ZFX: variants seen among roughly 807,000 people sequenced by gnomAD.
The protein encoded by ZFX is zinc finger protein X-linked.
For synonymous variants in ZFX, 196 were observed against 226.8 expected (o/e 0.86, Z 1.22); for missense variants, 362 against 628.3 (o/e 0.58, Z 4.53).
chrX:24,150,453 T>C (rs888910148), intron 1 of ZFX: 6 of 112,411 alleles, frequency 5.3e-5, no homozygotes, highest in Non-Finnish European at 7.6e-5. Flanking sequence ...TGATGAGCGC[T>C]CGGGCTCCAG....
intron 3 of ZFX, among the ~76,000 whole-genome samples, chrX:24,166,105 GT>G (rs1933971811): frequency 8.9e-6 from 1 of 112,479 alleles, no homozygotes; most frequent in African/African-American, 3.2e-5. Flanking sequence ...TAAAACTAGT[GT>G]TTGTAGCTCA....
chrX:24,167,989 T>C (rs1343427299), intron 3 of ZFX, among the ~76,000 whole-genome samples: 1 of 111,275 alleles, frequency 9.0e-6, no homozygotes, highest in East Asian at 2.8e-4. Flanking sequence ...TTGAGATGAA[T>C]TTAATTTAAG....
At chrX:24,174,335 A>G (rs1934933244) in intron 4 of ZFX, among the ~76,000 whole-genome samples, 2 of 111,782 alleles carry the variant, frequency 1.8e-5, no homozygotes, top group Admixed American at 1.9e-4. Flanking sequence ...AGATTGTAGT[A>G]TATTAAAGAA....
chrX:24,150,846 T>C (rs903691527), intron 1 of ZFX: 13 of 113,130 alleles, frequency 1.1e-4, no homozygotes, highest in Admixed American at 3.7e-4. Context: ...TTTGCCATTC[T>C]TTTGTCCTAT....
At chrX:24,210,162 G>A in intron 9 of ZFX, 31 bp from the exon 10 acceptor site, 4 of 1,209,530 alleles carry the variant, frequency 3.3e-6, no homozygotes, top group Non-Finnish European at 3.4e-6. Flanking sequence ...CTTGGTTTGA[G>A]CACTCATACT....
chrX:24,191,430 G>T (rs1936516686), intron 5 of ZFX, among the ~76,000 whole-genome samples: 1 of 111,888 alleles, frequency 8.9e-6, no homozygotes, highest in African/African-American at 3.3e-5. Flanking sequence ...TGAGGAGGAA[G>T]TTAAGAGAGG....
chrX:24,154,020 T>C (rs977455432), intron 3 of ZFX, among the ~76,000 whole-genome samples: 3 of 111,545 alleles, frequency 2.7e-5, no homozygotes, highest in Non-Finnish European at 3.8e-5. Context: ...CCTATTCTTA[T>C]TCCTGCCAAG....
At chrX:24,168,671 C>CTTTTTTTTTTTTTTTTTTTTTTTTTT (rs141296315) in intron 3 of ZFX, among the ~76,000 whole-genome samples, 2 of 83,240 alleles carry the variant, frequency 2.4e-5, no homozygotes, top group African/African-American at 4.6e-5. Flanking sequence ...TTCTTTCTTT[C>CTTTTTTTTTTTTTTTTTTTTTTTTTT]TTTTTTTTTT....
In ZFX at chrX:24,154,235, A is replaced by G. The variant is rs767781019; in HGVS notation, c.-29+1405A>G. The stretch of plus-strand genomic sequence containing the variant: ...ATTTAAGAGATCTTAATATTTTGCT[A>G]CATATTTGATTCATATCTTTTTGTT... On this transcript the variant is annotated intron_variant, in intron 3 of 9. Transcript: ENST00000304543. Among the ~76,000 whole-genome samples, 5 of 112,114 alleles carry G rather than the reference A, an allele frequency of 4.5e-5. No homozygotes were observed. In the East Asian group the frequency reaches 1.4e-3, roughly 31 times the overall value.
In ZFX at chrX:24,207,693, C is replaced by T. The variant is rs1007177975; in HGVS notation, c.797-19C>T. On this transcript the variant is annotated intron_variant, in intron 6 of 9. Coordinates refer to ENST00000304543, the MANE Select transcript of ZFX (RefSeq NM_003410.4). ...TTTTCAAATAAATTATTGAAGCTGT[C>T]TTCTTCCCTGATTGATAGGTGGAAC... 1 of 1,203,231 alleles carries T rather than the reference C, an allele frequency of 8.3e-7. No individual in the cohort carries two copies. Among genetic ancestry groups the T allele is most frequent in the Non-Finnish European group, 1.1e-6 (1 of 892,799 alleles).
chrX:24,163,451 C>T (rs1188813510), intron 3 of ZFX, among the ~76,000 whole-genome samples: 2 of 88,384 alleles, frequency 2.3e-5, no homozygotes, highest in Non-Finnish European at 4.3e-5. Flanking sequence ...GATCTTGGCT[C>T]ACTGCAACCT....
intron 4 of ZFX, among the ~76,000 whole-genome samples, chrX:24,177,211 C>T (rs933512762): frequency 8.9e-6 from 1 of 112,347 alleles, no homozygotes; most frequent in African/African-American, 3.2e-5. Flanking sequence ...GGATTACAGG[C>T]GTGAGCCACT....
In ZFX at chrX:24,178,921, T is replaced by C. The variant is rs772035600; in HGVS notation, c.59-262T>C. Among the ~76,000 whole-genome samples the C allele has an allele frequency of 3.1e-3, 345 of 112,049 alleles. 1 individual carries two copies. The highest frequency in any genetic ancestry group is 0.01 in the African/African-American group (315 of 30,859). ...TAGTGTGCCTAAAATTTTACTTTCA[T>C]GTATGTATTTTTTCTGTGACTGCCT... On this transcript the variant is annotated intron_variant, in intron 4 of 9. Coordinates refer to ENST00000304543, the MANE Select transcript of ZFX (RefSeq NM_003410.4).
chrX:24,187,802 G>A (rs1449450084), intron 5 of ZFX, among the ~76,000 whole-genome samples: 1 of 111,343 alleles, frequency 9.0e-6, no homozygotes, highest in Non-Finnish European at 1.9e-5. Context: ...AGTCTGGGAG[G>A]GAAGATAAAC....
intron 1 of ZFX, chrX:24,150,677 G>T (rs983620738): frequency 2.6e-5 from 3 of 113,318 alleles, no homozygotes; most frequent in Non-Finnish European, 5.6e-5. Flanking sequence ...CGGACACCTG[G>T]GCTTACCAGG....
chrX:24,154,438 A>C (rs1932575820), intron 3 of ZFX, among the ~76,000 whole-genome samples: 1 of 112,145 alleles, frequency 8.9e-6, no homozygotes, highest in Non-Finnish European at 1.9e-5. Context: ...TATTATTTTT[A>C]CTTAACAGTG....
chrX:24,196,204 C>T (rs1936910109), intron 5 of ZFX, among the ~76,000 whole-genome samples: 1 of 111,347 alleles, frequency 9.0e-6, no homozygotes, highest in Non-Finnish European at 1.9e-5. Flanking sequence ...CCTCTGCCTC[C>T]CGGGTTCAGG....
At chrX:24,198,986 CTA>C (rs1196580991) in intron 5 of ZFX, among the ~76,000 whole-genome samples, 9 of 111,137 alleles carry the variant, frequency 8.1e-5, no homozygotes, top group Non-Finnish European at 1.7e-4. Flanking sequence ...TGTAGACAAA[CTA>C]AGACTAAGGA....
At chrX:24,193,226 A>T (rs986267372) in intron 5 of ZFX, among the ~76,000 whole-genome samples, 2 of 112,630 alleles carry the variant, frequency 1.8e-5, no homozygotes, top group Non-Finnish European at 3.7e-5. Context: ...GAAATGTGGT[A>T]TATCCATACA....
Sources: allele counts gnomAD v4.1 joint callset (sites outside exome capture counted in the v4.1 genomes callset), GRCh38; gene constraint gnomAD v4.1.1; transcripts MANE v1.5; gene names NCBI Gene and HGNC (gene_info 2026-07-23, HGNC 2026-07-21).